Variants in CELF1 observed in about 807,000 individuals in gnomAD.
CELF1 encodes the protein CUGBP Elav-like family member 1, also known as 50 kDa nuclear polyadenylated RNA-binding protein.
Under a neutral mutation model 61.8 loss-of-function variants are expected in CELF1, and 10 were observed. The observed-to-expected ratio is 0.16, with a 90% CI of 0.10 to 0.27. The LOEUF (loss-of-function observed/expected upper bound fraction) is 0.27. Among genes scored for constraint, CELF1 ranks in the 10% least tolerant of loss-of-function variants. CELF1 has a pLI of 1.00. For missense variants in CELF1, 380 were observed against 639.1 expected (o/e 0.59, Z 4.37); for synonymous variants, 236 against 225.1 (o/e 1.05, Z -0.43).
Position 47,489,935 on chromosome 11 carries a change from G to GTTT in CELF1, c.72-914_72-912dup, listed in dbSNP as rs561900704. 4.7e-3 allele frequency among the ~76,000 whole-genome samples: 225 copies of GTTT among 48,220 alleles called. 58 individuals are homozygous for GTTT. The highest frequency in any genetic ancestry group is 0.011 in the South Asian group (11 of 1,018). 31.6% of individuals were successfully genotyped at this position (48,220 alleles called of 152,430 possible). A position where few individuals can be genotyped will look rare whatever the true frequency, so the allele number is the denominator to read the frequency against. ...GTTTCCACTCAGAACATACCATCTT[G>GTTT]TTTTTTTTTTTTTTTTTTTTGAGAC... On this transcript the variant is annotated intron_variant, in intron 3 of 14. Coordinates refer to ENST00000687097, the MANE Select transcript of CELF1 (RefSeq NM_001376376.1).
chr11:47,480,383 G>A (rs2082335917), intron 9 of CELF1, among the ~76,000 whole-genome samples: 2 of 152,112 alleles, frequency 1.3e-5, no homozygotes, highest in African/African-American at 4.8e-5. Context: ...CACCGCGCCT[G>A]GCCTTTTTCT....
intron 1 of CELF1, among the ~76,000 whole-genome samples, chr11:47,532,625 A>G (rs1598156761): frequency 6.6e-6 from 1 of 152,216 alleles, no homozygotes; most frequent in Non-Finnish European, 1.5e-5. Flanking sequence ...ACAACAGAAC[A>G]GTGCTGGGAA....
intron 3 of CELF1, among the ~76,000 whole-genome samples, chr11:47,496,567 T>A (rs955567267): frequency 1.3e-5 from 2 of 152,152 alleles, no homozygotes; most frequent in African/African-American, 4.8e-5. Context: ...GTGGCTAATA[T>A]GATTTTACTT....
chr11:47,524,267 A>T (rs560277588), intron 1 of CELF1, among the ~76,000 whole-genome samples: 1 of 152,122 alleles, frequency 6.6e-6, no homozygotes, highest in Non-Finnish European at 1.5e-5. Context: ...ATACCACCCC[A>T]AGAGCTGATC....
Position 47,501,802 on chromosome 11 carries a change from G to A in CELF1, c.-153-870C>T, listed in dbSNP as rs370706232. On this transcript the variant is annotated intron_variant, in intron 1 of 14. Coordinates refer to ENST00000687097, the MANE Select transcript of CELF1 (RefSeq NM_001376376.1). The stretch of plus-strand genomic sequence containing the variant: ...CACGCCACTGCACTCCAGCCTGGGC[G>A]ACAGTAAGACTCCGTCTCCCCCACC... Among the ~76,000 whole-genome samples the A allele has an allele frequency of 7.0e-4, 106 of 152,168 alleles. 1 individual carries two copies. Among genetic ancestry groups the A allele is most frequent in the African/African-American group, 2.4e-3 (100 of 41,518 alleles).
intron 3 of CELF1, among the ~76,000 whole-genome samples, chr11:47,493,842 T>C (rs1565813565): frequency 2.0e-5 from 3 of 152,276 alleles, no homozygotes; most frequent in South Asian, 2.1e-4. Flanking sequence ...TTCTCTGATA[T>C]TGTGTCTGAA....
At chr11:47,503,388 G>C (rs549330716) in intron 1 of CELF1, among the ~76,000 whole-genome samples, 1 of 152,222 alleles carries the variant, frequency 6.6e-6, no homozygotes, top group East Asian at 1.9e-4. Context: ...TTCTACAACA[G>C]GTGAACAGAT....
intron 1 of CELF1, among the ~76,000 whole-genome samples, chr11:47,545,877 G>A (rs1175092390): frequency 8.3e-6 from 1 of 120,660 alleles, no homozygotes; most frequent in Non-Finnish European, 1.6e-5. Flanking sequence ...CTGCGTGTGT[G>A]TGTGTGTGTG....
chr11:47,478,288 G>C (rs2081174669), intron 10 of CELF1, among the ~76,000 whole-genome samples: 1 of 152,300 alleles, frequency 6.6e-6, no homozygotes, highest in Middle Eastern at 3.4e-3. Flanking sequence ...AATGCAGAGG[G>C]TGTAGGCACA....
chr11:47,554,352 ATATT>A (rs1185788974), upstream of CELF1, among the ~76,000 whole-genome samples: 1 of 152,160 alleles, frequency 6.6e-6, no homozygotes, highest in Non-Finnish European at 1.5e-5. Flanking sequence ...AAAACATCCT[ATATT>A]TATAGACCAT....
At chr11:47,517,697 G>A (rs1334090275) in intron 1 of CELF1, among the ~76,000 whole-genome samples, 1 of 149,828 alleles carries the variant, frequency 6.7e-6, no homozygotes, top group Non-Finnish European at 1.5e-5. Context: ...TTGTTGCCCA[G>A]GCTAGAGTAC....
chr11:47,483,824 T>C (rs2084938104), intron 7 of CELF1, among the ~76,000 whole-genome samples: 1 of 152,136 alleles, frequency 6.6e-6, no homozygotes, highest in African/African-American at 2.4e-5. Context: ...GCATCAAGGA[T>C]CTTGCAAAGC....
intron 2 of CELF1, among the ~76,000 whole-genome samples, chr11:47,559,951 G>C (rs2097220401): frequency 1.3e-5 from 2 of 149,620 alleles, no homozygotes; most frequent in Admixed American, 1.3e-4. Context: ...GCAGTGAGGA[G>C]AGATCATGCC....
At chr11:47,520,477 T>C (rs901455605) in intron 1 of CELF1, among the ~76,000 whole-genome samples, 2 of 152,140 alleles carry the variant, frequency 1.3e-5, no homozygotes, top group African/African-American at 4.8e-5. Flanking sequence ...GCTCCCCTTG[T>C]AAGGGCATCT....
At chr11:47,497,829 T>C (rs192153201) in intron 3 of CELF1, among the ~76,000 whole-genome samples, 2 of 152,252 alleles carry the variant, frequency 1.3e-5, no homozygotes, top group East Asian at 1.9e-4. Flanking sequence ...TAATGGGATA[T>C]TGAATGGGTC....
At chr11:47,487,091 G>T in intron 5 of CELF1, 68 bp downstream of exon 5, 1 of 1,237,172 alleles carries the variant, frequency 8.1e-7, no homozygotes, top group Non-Finnish European at 1.2e-6. Context: ...GTGTGTGTCT[G>T]ATATGTGTAA....
intron 1 of CELF1, among the ~76,000 whole-genome samples, chr11:47,517,715 C>T (rs1597682924): frequency 8.2e-6 from 1 of 121,260 alleles, no homozygotes; most frequent in Admixed American, 8.0e-5. Context: ...TACAATGGCG[C>T]AATATTGGCT....
chr11:47,506,733 C>T (rs2094535256), intron 1 of CELF1: 1 of 152,188 alleles, frequency 6.6e-6, no homozygotes, highest in African/African-American at 2.4e-5. Flanking sequence ...AAATGTTATC[C>T]CATAATGTAC....
chr11:47,485,624 C>G (rs2086316680), intron 6 of CELF1, among the ~76,000 whole-genome samples: 1 of 151,720 alleles, frequency 6.6e-6, no homozygotes. Context: ...CTCTGTCACC[C>G]AGGCTGGAGT....
Sources: allele counts gnomAD v4.1 joint callset (sites outside exome capture counted in the v4.1 genomes callset), GRCh38; gene constraint gnomAD v4.1.1; transcripts MANE v1.5; gene names NCBI Gene and HGNC (gene_info 2026-07-23, HGNC 2026-07-21).